The following PAK5 variants were observed in gnomAD, a reference collection of about 807,000 sequenced individuals.
PAK5 encodes the protein p21 (RAC1) activated kinase 5, also known as serine/threonine-protein kinase PAK 5.
A neutral mutation model predicts 65.9 loss-of-function variants in PAK5; 16 were observed. The observed-to-expected ratio is 0.24, with a 90% CI of 0.16 to 0.37. PAK5 has a LOEUF of 0.37. Ranked by LOEUF, PAK5 falls within the 10% of genes least tolerant of loss-of-function variation. PAK5 has a pLI of 1.00. For missense variants in PAK5, 785 were observed against 903.9 expected (o/e 0.87, Z 1.69); for synonymous variants, 371 against 354.9 (o/e 1.05, Z -0.51).
intron 9 of PAK5, among the ~76,000 whole-genome samples, chr20:9,541,125 T>A (rs976404455): frequency 6.6e-6 from 1 of 152,176 alleles, no homozygotes; most frequent in African/African-American, 2.4e-5. Flanking sequence ...ACAACCTATA[T>A]GAGTGATGCT....
intron 1 of PAK5, among the ~76,000 whole-genome samples, chr20:9,721,044 T>A (rs372567240): frequency 1.3e-5 from 2 of 152,174 alleles, no homozygotes; most frequent in African/African-American, 4.8e-5. Context: ...GTTGCACAAC[T>A]TTTTGAATGT....
intron 1 of PAK5, among the ~76,000 whole-genome samples, chr20:9,830,224 A>T (rs221020): frequency 0.77 from 117,142 of 152,216 alleles, 46,211 homozygotes; most frequent in African/African-American, 0.95. Flanking sequence ...GTCCTGTTTT[A>T]AGCACAAGTG....
intron 3 of PAK5, among the ~76,000 whole-genome samples, chr20:9,630,437 GGA>G (rs1409388455): frequency 6.6e-6 from 1 of 152,220 alleles, no homozygotes; most frequent in Non-Finnish European, 1.5e-5. Context: ...CATCTCAGAA[GGA>G]GGCCAAGGAA....
At chr20:9,663,284 C>A (rs187817549) in intron 2 of PAK5, among the ~76,000 whole-genome samples, 4 of 152,000 alleles carry the variant, frequency 2.6e-5, no homozygotes, top group African/African-American at 9.7e-5. Flanking sequence ...TGTGACTGGC[C>A]CCTTGTTGGT....
intron 9 of PAK5, among the ~76,000 whole-genome samples, chr20:9,540,054 G>A (rs1236400037): frequency 6.6e-6 from 1 of 152,200 alleles, no homozygotes. Context: ...TAAGGATATC[G>A]AACACATCTC....
intron 1 of PAK5, among the ~76,000 whole-genome samples, chr20:9,735,089 G>T (rs2123565577): frequency 6.6e-6 from 1 of 152,222 alleles, no homozygotes; most frequent in African/African-American, 2.4e-5. Flanking sequence ...ATTGGTTGTA[G>T]ACACTTTCAT....
chr20:9,790,632 A>G (rs1287071936), intron 1 of PAK5, among the ~76,000 whole-genome samples: 9 of 152,100 alleles, frequency 5.9e-5, no homozygotes, highest in Non-Finnish European at 8.8e-5. Flanking sequence ...CACCCTCCTT[A>G]GTAGCTGGGA....
At chr20:9,779,155 T>A (rs903886852) in intron 1 of PAK5, among the ~76,000 whole-genome samples, 2 of 152,084 alleles carry the variant, frequency 1.3e-5, no homozygotes, top group Non-Finnish European at 2.9e-5. Context: ...ATCACTGATA[T>A]TTATCAATAT....
chr20:9,658,983 G>T (rs1411393461), intron 2 of PAK5, among the ~76,000 whole-genome samples: 2 of 152,048 alleles, frequency 1.3e-5, no homozygotes, highest in African/African-American at 4.8e-5. Context: ...CAATTGCAAG[G>T]AGCTACATGT....
At chr20:9,586,116 T>TA (rs1391142050) in intron 3 of PAK5, among the ~76,000 whole-genome samples, 1 of 152,190 alleles carries the variant, frequency 6.6e-6, no homozygotes, top group Non-Finnish European at 1.5e-5. Flanking sequence ...TCTGCTCATA[T>TA]CAAATTGGTA....
At chr20:9,671,530 G>C (rs561210044) in intron 2 of PAK5, among the ~76,000 whole-genome samples, 159 of 151,800 alleles carry the variant, frequency 1.0e-3, no homozygotes, top group Non-Finnish European at 1.8e-3. Context: ...TATTCTCTTT[G>C]AATCAATTGT....
intron 1 of PAK5, among the ~76,000 whole-genome samples, chr20:9,820,801 T>C (rs928993870): frequency 6.6e-6 from 1 of 152,100 alleles, no homozygotes; most frequent in Non-Finnish European, 1.5e-5. Context: ...AAGCCCTGAA[T>C]ATAAAGGAAC....
intron 1 of PAK5, among the ~76,000 whole-genome samples, chr20:9,803,176 C>A (rs184360301): frequency 6.6e-6 from 1 of 151,864 alleles, no homozygotes. Context: ...ACTCAGAACA[C>A]GGCTAGTGTT....
chr20:9,832,615 G>A (rs1978816918), intron 1 of PAK5, among the ~76,000 whole-genome samples: 1 of 152,132 alleles, frequency 6.6e-6, no homozygotes, highest in Admixed American at 6.5e-5. Context: ...TAGGAAGCTT[G>A]TATTATGTAA....
intron 7 of PAK5, among the ~76,000 whole-genome samples, chr20:9,544,828 T>C (rs1456319347): frequency 6.6e-6 from 1 of 152,258 alleles, no homozygotes; most frequent in African/African-American, 2.4e-5. Context: ...CCTACAAGTT[T>C]AATATAATGT....
At chr20:9,656,279 G>A (rs2047267137) in intron 2 of PAK5, among the ~76,000 whole-genome samples, 1 of 152,076 alleles carries the variant, frequency 6.6e-6, no homozygotes, top group Non-Finnish European at 1.5e-5. Context: ...AATAGTCACT[G>A]AGACAAAATA....
At chr20:9,713,843 A>G (rs1287604569) in intron 1 of PAK5, among the ~76,000 whole-genome samples, 1 of 152,070 alleles carries the variant, frequency 6.6e-6, no homozygotes, top group Admixed American at 6.6e-5. Flanking sequence ...TGGTTTCCAG[A>G]GACTGGAAAG....
At chr20:9,783,267 G>T (rs1701083331) in intron 1 of PAK5, among the ~76,000 whole-genome samples, 1 of 152,062 alleles carries the variant, frequency 6.6e-6, no homozygotes, top group African/African-American at 2.4e-5. Context: ...TTTCCAAACT[G>T]TGAAAATGGA....
At chr20:9,806,029 ATC>A (rs1476759845) in intron 1 of PAK5, among the ~76,000 whole-genome samples, 5 of 152,150 alleles carry the variant, frequency 3.3e-5, no homozygotes, top group African/African-American at 1.2e-4. Flanking sequence ...CAGTGGCATG[ATC>A]TCAGCCCCCT....
Sources: allele counts gnomAD v4.1 joint callset (sites outside exome capture counted in the v4.1 genomes callset), GRCh38; gene constraint gnomAD v4.1.1; transcripts MANE v1.5; gene names NCBI Gene and HGNC (gene_info 2026-07-23, HGNC 2026-07-21).